The following GAS7 variants were observed in gnomAD, a reference collection of about 807,000 sequenced individuals.
The protein encoded by GAS7 is growth arrest-specific protein 7.
Under a neutral mutation model 71.1 loss-of-function variants are expected in GAS7, and 28 were observed. The ratio of observed to expected loss-of-function variants is 0.39; its 90% CI spans 0.29 to 0.54. GAS7 has a LOEUF of 0.54. Among genes scored for constraint, GAS7 ranks in the 20% least tolerant of loss-of-function variants. The pLI, the probability that GAS7 is intolerant of heterozygous loss-of-function variation, is 0.62. For missense variants in GAS7, 436 were observed against 627.8 expected, an observed-to-expected ratio of 0.69 and a Z score of 3.27; for synonymous variants, 258 against 245.8, an observed-to-expected ratio of 1.05 and a Z score of -0.46.
At chr17:10,192,447 G>T (rs8080977) in intron 1 of GAS7, among the ~76,000 whole-genome samples, 3 of 152,118 alleles carry the variant, frequency 2.0e-5, no homozygotes, top group East Asian at 3.8e-4. Flanking sequence ...TTTCACCAGC[G>T]AAGTGAGGAT....
rs1400555340 is a variant in GAS7, at chr17:10,171,429, T to G, written c.183+26779A>C. Among the ~76,000 whole-genome samples, 10 of 152,188 alleles carry G rather than the reference T, an allele frequency of 6.6e-5. No individual in the cohort carries two copies. In the East Asian group the frequency reaches 1.7e-3, roughly 26 times the overall value. On this transcript the variant is annotated intron_variant, in intron 1 of 13. Transcript: ENST00000432992. ...GGTAACAAATGAGGAACACATCAAT[T>G]TAGCAGGAAATCGGCTTCCCTTGAA...
Position 9,919,811 on chromosome 17 carries a change from G to A in GAS7, c.1139-106C>T. Reference sequence around the variant, plus strand: ...AGCCTTCTCCTCCCCCTGGGGTCATGGTGGCCGCTGGAAAGCTGGAAAAGG... The same window carrying A: ...AGCCTTCTCCTCCCCCTGGGGTCATAGTGGCCGCTGGAAAGCTGGAAAAGG... On this transcript the variant is annotated intron_variant, in intron 11 of 13. Coordinates refer to ENST00000432992, the MANE Select transcript of GAS7 (RefSeq NM_201433.2). The surrounding 1 kb of genome is among the most constrained non-coding windows in gnomAD (Gnocchi z 5.0). The A allele has an allele frequency of 1.2e-6, 1 of 845,772 alleles. No individual in the cohort carries two copies. The highest frequency in any genetic ancestry group is 1.3e-5 in the South Asian group (1 of 74,504). The allele number at this position is 845,772 out of a possible 1,614,324, so 52.4% of individuals were successfully genotyped here. A position where few individuals can be genotyped will look rare whatever the true frequency, so the allele number is the denominator to read the frequency against.
chr17:9,982,300 G>GT lies in GAS7; in HGVS notation c.305-417dup, dbSNP rs552750534. ...AGGTATTTCTCCCCAAATGTCCACT[G>GT]TTACCTGAAACTCCAAAGCACAGAG... On this transcript the variant is annotated intron_variant, in intron 2 of 13. Transcript: ENST00000432992. Among the ~76,000 whole-genome samples, 347 of 152,296 alleles carry GT rather than the reference G, an allele frequency of 2.3e-3. 2 individuals are homozygous for GT. Among genetic ancestry groups the GT allele is most frequent in the Non-Finnish European group, 2.6e-3 (175 of 68,034 alleles).
chr17:10,109,869 C>T (rs544562244), intron 1 of GAS7, among the ~76,000 whole-genome samples: 2 of 152,134 alleles, frequency 1.3e-5, no homozygotes, highest in African/African-American at 2.4e-5. Flanking sequence ...GCCTGGCCAA[C>T]GTGGTAAAAC....
intron 1 of GAS7, among the ~76,000 whole-genome samples, chr17:10,072,308 G>T (rs1055112420): frequency 6.6e-6 from 1 of 152,144 alleles, no homozygotes; most frequent in African/African-American, 2.4e-5. Context: ...AAAGACTGGG[G>T]CCCCAGAAGA....
At chr17:10,157,198 A>C (rs1164044856) in intron 1 of GAS7, among the ~76,000 whole-genome samples, 1 of 152,142 alleles carries the variant, frequency 6.6e-6, no homozygotes, top group East Asian at 1.9e-4. Context: ...ACAAACCCGC[A>C]GCAAACCCAG....
At chr17:10,143,036 G>A (rs2074095122) in intron 1 of GAS7, among the ~76,000 whole-genome samples, 1 of 143,122 alleles carries the variant, frequency 7.0e-6, no homozygotes, top group African/African-American at 2.6e-5. Flanking sequence ...AAAAAAATTA[G>A]CCAGGCATAA....
At chr17:9,942,718 C>T (rs768028797) in intron 7 of GAS7, among the ~76,000 whole-genome samples, 2 of 151,960 alleles carry the variant, frequency 1.3e-5, no homozygotes, top group African/African-American at 2.4e-5. Flanking sequence ...AAGGAGTCTG[C>T]GGGGGAAGAC....
chr17:10,134,395 G>T (rs1215675742), intron 1 of GAS7, among the ~76,000 whole-genome samples: 1 of 152,140 alleles, frequency 6.6e-6, no homozygotes, highest in East Asian at 1.9e-4. Flanking sequence ...AACACAGGAG[G>T]GCAGACGCCT....
intron 2 of GAS7, among the ~76,000 whole-genome samples, chr17:9,992,344 TAGA>T (rs1225883903): frequency 1.3e-5 from 2 of 151,958 alleles, no homozygotes; most frequent in Admixed American, 1.3e-4. Context: ...CTATATGAAT[TAGA>T]AGAGATTGCC....
chr17:9,934,184 G>A lies in GAS7; in HGVS notation c.867C>T (p.His289=). 1 of 1,611,480 alleles carries A rather than the reference G, an allele frequency of 6.2e-7. No homozygotes were observed. The highest frequency in any genetic ancestry group is 1.1e-5 in the South Asian group (1 of 90,956). ...KKSLADEAEV[H]LKFSAKLHSE... is the part of the protein sequence containing the mutation. ...GGGTTACCTTGGCAGAGAACTTGAG[G>A]TGAACTTCTGCTTCGTCCGCCAGGC... Residue 289 remains histidine, a synonymous_variant, in exon 9 of 14, where the codon CAC becomes CAT. Coordinates refer to ENST00000432992, the MANE Select transcript of GAS7 (RefSeq NM_201433.2).
intron 2 of GAS7, among the ~76,000 whole-genome samples, chr17:10,006,109 T>A (rs116041624): frequency 6.6e-6 from 1 of 151,962 alleles, no homozygotes; most frequent in Non-Finnish European, 1.5e-5. Flanking sequence ...CTAACCAAAG[T>A]AGAGGCAAAT....
chr17:9,947,867 T>C (rs1163504877), intron 5 of GAS7, among the ~76,000 whole-genome samples: 6 of 149,532 alleles, frequency 4.0e-5, no homozygotes, highest in South Asian at 2.1e-4. Context: ...AGTATTATAG[T>C]TCCTTTTCAA....
chr17:10,102,522 A>G (rs2073713395), intron 1 of GAS7, among the ~76,000 whole-genome samples: 1 of 152,100 alleles, frequency 6.6e-6, no homozygotes, highest in Non-Finnish European at 1.5e-5. Context: ...AGTGACCCAC[A>G]TTGCTTACAT....
At chr17:10,011,603 T>C (rs2071775182) in intron 2 of GAS7, among the ~76,000 whole-genome samples, 1 of 152,206 alleles carries the variant, frequency 6.6e-6, no homozygotes, top group Non-Finnish European at 1.5e-5. Flanking sequence ...CACCACTTTG[T>C]ACTGATACCT....
chr17:10,083,765 G>A (rs1450725508), intron 1 of GAS7, among the ~76,000 whole-genome samples: 1 of 152,248 alleles, frequency 6.6e-6, no homozygotes, highest in Non-Finnish European at 1.5e-5. Flanking sequence ...AATGGGGAGT[G>A]CATGCTGATT....
chr17:10,090,936 T>C (rs555146317), intron 1 of GAS7, among the ~76,000 whole-genome samples: 5 of 152,274 alleles, frequency 3.3e-5, no homozygotes, highest in African/African-American at 1.2e-4. Context: ...CACTGTCAAA[T>C]GTGGATGAAA....
intron 3 of GAS7, among the ~76,000 whole-genome samples, chr17:9,972,602 C>T (rs1387239815): frequency 1.4e-5 from 2 of 144,482 alleles, no homozygotes; most frequent in South Asian, 2.3e-4. Flanking sequence ...ACAAAGATAA[C>T]ATCTTCTGCC....
At chr17:9,998,015 C>T (rs560575757) in intron 2 of GAS7, among the ~76,000 whole-genome samples, 2 of 152,208 alleles carry the variant, frequency 1.3e-5, no homozygotes, top group South Asian at 2.1e-4. Context: ...GGCTTCAGTA[C>T]ATAGACACGA....
Sources: gnomAD v4.1 joint callset for allele counts (sites outside exome capture counted in the v4.1 genomes callset) on GRCh38, gnomAD v4.1.1 for gene constraint, Gnocchi (gnomAD v3.1) non-coding constraint, MANE v1.5 for transcripts, NCBI Gene and HGNC (gene_info 2026-07-23, HGNC 2026-07-21) for gene names.